Variants in TSHZ1 observed in about 807,000 individuals in gnomAD.
TSHZ1 encodes teashirt homolog 1.
A neutral mutation model predicts 67.1 loss-of-function variants in TSHZ1; 12 were observed. The ratio of observed to expected loss-of-function variants is 0.18; its 90% CI spans 0.11 to 0.29. The LOEUF (loss-of-function observed/expected upper bound fraction) is 0.29, where lower values mean the gene tolerates loss of function less well. Ranked by LOEUF, TSHZ1 falls within the 10% of genes least tolerant of loss-of-function variation. The probability of loss-of-function intolerance (pLI) is 1.00; values close to 1 mark genes in which losing one functional copy is unlikely to be tolerated. For missense variants in TSHZ1, 1,305 were observed against 1,413.9 expected (o/e 0.92, Z 1.23); for synonymous variants, 632 against 622.4 (o/e 1.02, Z -0.23).
At chr18:75,276,805 A>G (rs1343981943) in intron 1 of TSHZ1, among the ~76,000 whole-genome samples, 5 of 152,230 alleles carry the variant, frequency 3.3e-5, no homozygotes, top group Non-Finnish European at 7.3e-5. Context: ...TTTGGTATTT[A>G]CTGTAAGGCA....
chr18:75,289,189 T>C lies in TSHZ1; in HGVS notation c.*548T>C, dbSNP rs886054121. ...AGCTTTTATATGCAGAACTGGTTTG[T>C]GAGGAAACATGCATGCAGCTGTGGG... is the stretch of plus-strand genomic sequence containing the variant. On this transcript the variant is annotated 3_prime_UTR_variant, in exon 2 of 2. Transcript: ENST00000580243. 1 of 167,064 alleles carries C rather than the reference T, an allele frequency of 6.0e-6. No homozygotes were observed. Among genetic ancestry groups the C allele is most frequent in the Non-Finnish European group, 1.5e-5 (1 of 68,166 alleles). 10.3% of individuals were successfully genotyped at this position (167,064 alleles called of 1,614,324 possible). A position where few individuals can be genotyped will look rare whatever the true frequency, so the allele number is the denominator to read the frequency against.
intron 1 of TSHZ1, among the ~76,000 whole-genome samples, chr18:75,236,101 G>A (rs1332703345): frequency 2.6e-5 from 4 of 152,328 alleles, no homozygotes; most frequent in African/African-American, 9.6e-5. Flanking sequence ...ATGATAGGAA[G>A]TGTGCGTGAT....
chr18:75,240,349 A>G (rs532494082), intron 1 of TSHZ1, among the ~76,000 whole-genome samples: 1 of 151,898 alleles, frequency 6.6e-6, no homozygotes, highest in Admixed American at 6.6e-5. Flanking sequence ...GCTTTTAAAG[A>G]AAAAAAGGCA....
At position 75,285,506 on chromosome 18, in the gene TSHZ1, T is replaced by C. The variant is rs1386339333; in HGVS notation, c.99T>C (p.Asp33=). 2 of 1,532,740 alleles carry C rather than the reference T, an allele frequency of 1.3e-6. No individual in the cohort carries two copies. The highest frequency in any genetic ancestry group is 4.6e-5 in the East Asian group (2 of 43,868). The allele number at this position is 1,532,740 out of a possible 1,614,324, so 94.9% of individuals were successfully genotyped here. A position where few individuals can be genotyped will look rare whatever the true frequency, so the allele number is the denominator to read the frequency against. Residue 33 remains aspartate, a synonymous_variant, in exon 2 of 2, where the codon GAT becomes GAC. Coordinates refer to ENST00000580243, the MANE Select transcript of TSHZ1 (RefSeq NM_001308210.2). ...AAEIDEEHVE[D]DGLSLDIQES... ...AAATAGATGAAGAGCACGTGGAGGA[T>C]GACGGGCTGTCTTTGGACATTCAGG...
chr18:75,215,951 T>C (rs944422205), intron 1 of TSHZ1, among the ~76,000 whole-genome samples: 1 of 151,154 alleles, frequency 6.6e-6, no homozygotes, highest in African/African-American at 2.4e-5. Flanking sequence ...TTATACTCTG[T>C]GTATGTGTGT....
At chr18:75,249,787 C>A (rs1235731833) in intron 1 of TSHZ1, among the ~76,000 whole-genome samples, 1 of 149,648 alleles carries the variant, frequency 6.7e-6, no homozygotes, top group Non-Finnish European at 1.5e-5. Flanking sequence ...CTCCCTGCCT[C>A]ACACCTGCAG....
chr18:75,283,907 C>T (rs1169384983), intron 1 of TSHZ1: 1 of 152,262 alleles, frequency 6.6e-6, no homozygotes, highest in African/African-American at 2.4e-5. Context: ...CTGAAAACGT[C>T]TGTGCTCCTT....
At chr18:75,227,791 G>A (rs2022945029) in intron 1 of TSHZ1, among the ~76,000 whole-genome samples, 1 of 152,258 alleles carries the variant, frequency 6.6e-6, no homozygotes, top group Admixed American at 6.5e-5. Flanking sequence ...CCATTGCTCA[G>A]GAGTGGCTGT....
At chr18:75,242,104 T>G (rs2254464) in intron 1 of TSHZ1, among the ~76,000 whole-genome samples, 149,531 of 151,806 alleles carry the variant, frequency 0.99, 73,683 homozygotes, top group Middle Eastern at 1. Context: ...CTGTCATTTG[T>G]GCAGCAGCCT....
At chr18:75,237,968 A>G (rs929698169) in intron 1 of TSHZ1, among the ~76,000 whole-genome samples, 3 of 151,988 alleles carry the variant, frequency 2.0e-5, no homozygotes, top group South Asian at 2.1e-4. Flanking sequence ...CTGTGCCACC[A>G]TGCCCGGCTA....
intron 1 of TSHZ1, among the ~76,000 whole-genome samples, chr18:75,282,223 G>A (rs866941426): frequency 1.6e-4 from 24 of 152,266 alleles, no homozygotes; most frequent in African/African-American, 4.8e-4. Context: ...TCTGGACAAC[G>A]CTCTGTGCCT....
intron 1 of TSHZ1, among the ~76,000 whole-genome samples, chr18:75,265,114 TG>T (rs1352123969): frequency 6.6e-6 from 1 of 152,210 alleles, no homozygotes; most frequent in East Asian, 1.9e-4. Context: ...AGAAATGTTT[TG>T]GAAAGCAGCC....
At chr18:75,247,229 CAGG>C (rs2023235176) in intron 1 of TSHZ1, among the ~76,000 whole-genome samples, 1 of 152,154 alleles carries the variant, frequency 6.6e-6, no homozygotes, top group South Asian at 2.1e-4. Flanking sequence ...ACAGATAAAA[CAGG>C]AGGTGGAATG....
rs200181888 is a variant in TSHZ1, at chr18:75,287,362, T to C, written c.1955T>C (p.Ile652Thr). The change falls in exon 2 of 2, where the codon ATC becomes ACC. Residue 652 changes from isoleucine (I) to threonine (T), a missense_variant. Ile to Thr is a moderately conservative substitution (Grantham distance 89, BLOSUM62 -1). Transcript: ENST00000580243. The surrounding 1 kb of genome is among the most constrained non-coding windows in gnomAD (Gnocchi z 5.0). Reference protein sequence around the residue: ...LVEKVTGKVNIKKEERPPEKE... With the variant: ...LVEKVTGKVNTKKEERPPEKE... ...GAGAAGGTCACGGGCAAGGTCAACATCAAGAAGGAGGAGAGACCCCCTGAG... is the reference window on the plus strand; with the variant it reads ...GAGAAGGTCACGGGCAAGGTCAACACCAAGAAGGAGGAGAGACCCCCTGAG... The C allele has an allele frequency of 1.2e-6, 2 of 1,613,794 alleles. No individual in the cohort carries two copies. Among genetic ancestry groups the C allele is most frequent in the African/African-American group, 1.3e-5 (1 of 74,926 alleles).
intron 1 of TSHZ1, among the ~76,000 whole-genome samples, chr18:75,244,049 CT>C (rs767006858): frequency 1.6e-4 from 24 of 152,110 alleles, no homozygotes; most frequent in Non-Finnish European, 2.6e-4. Flanking sequence ...TAGGAAAAAG[CT>C]TGTTGGAAGG....
chr18:75,226,074 A>G (rs760994555), intron 1 of TSHZ1, among the ~76,000 whole-genome samples: 11 of 152,206 alleles, frequency 7.2e-5, no homozygotes, highest in Non-Finnish European at 1.2e-4. Context: ...TGGGGGCAAA[A>G]CTGCAACATA....
chr18:75,285,494 G>T lies in TSHZ1; in HGVS notation c.87G>T (p.Glu29Asp), dbSNP rs886054111. ...EELKAAEIDE[E>D]HVEDDGLSLD... ...TGAAGGCAGCAGAAATAGATGAAGA[G>T]CACGTGGAGGATGACGGGCTGTCTT... Residue 29 changes from glutamate to aspartate, a missense_variant, in exon 2 of 2, where the codon GAG becomes GAT. By Grantham distance (45) the Glu-to-Asp change is conservative (BLOSUM62 2). Coordinates refer to ENST00000580243, the MANE Select transcript of TSHZ1 (RefSeq NM_001308210.2). 31 of 1,519,448 alleles carry T rather than the reference G, an allele frequency of 2.0e-5. No homozygotes were observed. Among genetic ancestry groups the T allele is most frequent in the African/African-American group, 2.8e-5 (2 of 72,086 alleles). The allele number at this position is 1,519,448 out of a possible 1,614,324, so 94.1% of individuals were successfully genotyped here.
intron 1 of TSHZ1, among the ~76,000 whole-genome samples, chr18:75,276,932 A>G (rs1356460461): frequency 1.3e-5 from 2 of 152,212 alleles, no homozygotes; most frequent in Non-Finnish European, 2.9e-5. Flanking sequence ...GCTTGGGTAG[A>G]CAGTTTCCTG....
At chr18:75,266,091 G>A (rs562700432) in intron 1 of TSHZ1, among the ~76,000 whole-genome samples, 5 of 152,246 alleles carry the variant, frequency 3.3e-5, no homozygotes, top group South Asian at 2.1e-4. Flanking sequence ...CCCCATCCCC[G>A]GGTGAGTGAT....
Sources: allele counts gnomAD v4.1 joint callset (sites outside exome capture counted in the v4.1 genomes callset), GRCh38; gene constraint gnomAD v4.1.1; non-coding constraint Gnocchi (gnomAD v3.1); transcripts MANE v1.5; gene names NCBI Gene and HGNC (gene_info 2026-07-23, HGNC 2026-07-21).